Variants in MET observed in about 807,000 individuals in gnomAD.
MET encodes the protein MET proto-oncogene, receptor tyrosine kinase, also known as hepatocyte growth factor receptor.
MET carries 48 observed loss-of-function variants against 133.1 expected under a neutral mutation model. The ratio of observed to expected loss-of-function variants is 0.36; its 90% CI spans 0.29 to 0.46. The LOEUF (loss-of-function observed/expected upper bound fraction) is 0.46, where lower values mean the gene tolerates loss of function less well. Among genes scored for constraint, MET ranks in the 20% least tolerant of loss-of-function variants. The pLI is 1.00. For synonymous variants in MET, 628 were observed against 616.5 expected, an observed-to-expected ratio of 1.02 and a Z score of -0.28; for missense variants, 1,442 against 1,695.9, an observed-to-expected ratio of 0.85 and a Z score of 2.63.
At chr7:116,771,726 C>T (rs553445059) in intron 13 of MET, 72 bp downstream of exon 13, 8 of 1,607,780 alleles carry the variant, frequency 5.0e-6, no homozygotes, top group African/African-American at 1.3e-5. Context: ...AGATTGTCGT[C>T]GATTCTTGTG....
At chr7:116,748,239 A>C (rs1793773176) in intron 5 of MET, among the ~76,000 whole-genome samples, 1 of 152,180 alleles carries the variant, frequency 6.6e-6, no homozygotes, top group Non-Finnish European at 1.5e-5. Flanking sequence ...GCAAGACTCC[A>C]TGTCAAAAAC....
At chr7:116,682,552 T>C (rs998273280) in intron 1 of MET, among the ~76,000 whole-genome samples, 16 of 152,226 alleles carry the variant, frequency 1.1e-4, no homozygotes, top group Admixed American at 5.2e-4. Context: ...TGATGAATTA[T>C]ATAAACATTA....
intron 2 of MET, among the ~76,000 whole-genome samples, chr7:116,729,760 C>T (rs1792926826): frequency 6.6e-6 from 1 of 152,162 alleles, no homozygotes; most frequent in Non-Finnish European, 1.5e-5. Flanking sequence ...TCCCATTTGT[C>T]CCTTATAAAC....
At chr7:116,678,685 A>G (rs1176753773) in intron 1 of MET, among the ~76,000 whole-genome samples, 1 of 152,190 alleles carries the variant, frequency 6.6e-6, no homozygotes, top group Admixed American at 6.5e-5. Flanking sequence ...AATTCAACCT[A>G]GCTTTAAAAA....
intron 18 of MET, 110 bp from the exon 19 acceptor site, chr7:116,783,194 G>A: frequency 7.9e-7 from 1 of 1,267,286 alleles, no homozygotes; most frequent in Non-Finnish European, 1.1e-6. Flanking sequence ...ACTTCCTTCA[G>A]AAGTTATGGA....
chr7:116,686,689 C>G (rs950910799), intron 1 of MET, among the ~76,000 whole-genome samples: 2 of 152,192 alleles, frequency 1.3e-5, no homozygotes, highest in African/African-American at 4.8e-5. Flanking sequence ...TTTCGGGATT[C>G]TCTGGAGATC....
At chr7:116,785,977 T>A (rs1223689433) in intron 19 of MET, among the ~76,000 whole-genome samples, 1 of 152,216 alleles carries the variant, frequency 6.6e-6, no homozygotes, top group Non-Finnish European at 1.5e-5. Context: ...AATGTGAATC[T>A]GCAACTTGTA....
chr7:116,686,845 G>T (rs1020668739), intron 1 of MET, among the ~76,000 whole-genome samples: 1 of 152,178 alleles, frequency 6.6e-6, no homozygotes, highest in Non-Finnish European at 1.5e-5. Flanking sequence ...GCCCGTGTGT[G>T]AGTCCACTCC....
At chr7:116,725,465 C>CATAT (rs71314626) in intron 2 of MET, among the ~76,000 whole-genome samples, 45,081 of 144,620 alleles carry the variant, frequency 0.31, 8,069 homozygotes, top group South Asian at 0.42. Flanking sequence ...TTATGATATA[C>CATAT]ATATATATAT....
chr7:116,695,942 G>A (rs1796948256), intron 1 of MET: 1 of 220,188 alleles, frequency 4.5e-6, no homozygotes, highest in Admixed American at 4.8e-5. Flanking sequence ...GCACGATCTT[G>A]GCTCACTACA....
At chr7:116,755,641 A>G (rs1279083186) in intron 6 of MET, 126 bp downstream of exon 6, 2 of 1,169,010 alleles carry the variant, frequency 1.7e-6, no homozygotes, top group Non-Finnish European at 1.2e-6. Flanking sequence ...GGCCTGTCAC[A>G]TGCCTTGTGG....
In MET at chr7:116,788,791, A is replaced by G. The variant is rs116041574; in HGVS notation, c.3798+5322A>G. 5.0e-3 allele frequency among the ~76,000 whole-genome samples: 759 copies of G among 152,282 alleles called. 11 individuals carry two copies. Among genetic ancestry groups the G allele is most frequent in the African/African-American group, 0.017 (709 of 41,560 alleles). On this transcript the variant is annotated intron_variant, in intron 19 of 20. Coordinates refer to ENST00000397752, the MANE Select transcript of MET (RefSeq NM_000245.4). ...TGCAATGAGCTATGTGTATGTTGAA[A>G]CCTGCGACCAAAAACTTGCCTGCTT...
Position 116,699,674 on chromosome 7 carries a change from T to C in MET, c.590T>C (p.Val197Ala), listed in dbSNP as rs1273988011. ...AAGGACCGGTTCATCAACTTCTTTG[T>C]AGGCAATACCATAAATTCTTCTTAT... is the stretch of plus-strand genomic sequence containing the variant. ...SVKDRFINFF[V>A]GNTINSSYFP... The change falls in exon 2 of 21, where the codon GTA becomes GCA. Residue 197 changes from valine (V) to alanine (A), a missense_variant. By Grantham distance (64) the Val-to-Ala change is moderately conservative. Around this residue, in one of 6 missense-constraint regions of MET, gnomAD observed 762 missense variants for 792.4 expected, o/e 0.96. Coordinates refer to ENST00000397752, the MANE Select transcript of MET (RefSeq NM_000245.4). 1 of 1,614,066 alleles carries C rather than the reference T, an allele frequency of 6.2e-7. No individual in the cohort carries two copies. Among genetic ancestry groups the C allele is most frequent in the South Asian group, 1.1e-5 (1 of 91,084 alleles).
intron 1 of MET, 127 bp downstream of exon 1, chr7:116,672,704 A>C (rs192519414): frequency 2.7e-6 from 1 of 369,868 alleles, no homozygotes; most frequent in Non-Finnish European, 4.8e-6. Flanking sequence ...GCTAGAGTTT[A>C]GGGGCTTCGG....
intron 19 of MET, among the ~76,000 whole-genome samples, chr7:116,791,798 G>A (rs1346546327): frequency 6.6e-6 from 1 of 152,102 alleles, no homozygotes. Context: ...GCCAGTAGCT[G>A]GGATTGCAGG....
chr7:116,726,215 G>T (rs1464115678), intron 2 of MET, among the ~76,000 whole-genome samples: 1 of 28,954 alleles, frequency 3.5e-5, no homozygotes, highest in Non-Finnish European at 7.9e-5. Flanking sequence ...CTACCACCAG[G>T]CTCAAAAAGG....
At chr7:116,684,972 A>G (rs972116793) in intron 1 of MET, among the ~76,000 whole-genome samples, 3 of 152,336 alleles carry the variant, frequency 2.0e-5, no homozygotes, top group Admixed American at 6.5e-5. Context: ...GACCATGGGC[A>G]TGGAAGCCAA....
chr7:116,731,033 G>T (rs926166084), intron 2 of MET, among the ~76,000 whole-genome samples: 1 of 152,140 alleles, frequency 6.6e-6, no homozygotes, highest in African/African-American at 2.4e-5. Context: ...GCTCTATAAG[G>T]TAAGTACTAT....
At chr7:116,783,189 C>A in intron 18 of MET, 115 bp from the exon 19 acceptor site, 1 of 1,210,816 alleles carries the variant, frequency 8.3e-7, no homozygotes. Flanking sequence ...GAAATACTTC[C>A]TTCAGAAGTT....
Sources: gnomAD v4.1 joint callset for allele counts (sites outside exome capture counted in the v4.1 genomes callset) on GRCh38, gnomAD v4.1.1 for gene constraint, gnomAD v4.1.1 regional missense constraint, MANE v1.5 for transcripts, NCBI Gene and HGNC (gene_info 2026-07-23, HGNC 2026-07-21) for gene names.